SUGCT: variants seen among roughly 807,000 people sequenced by gnomAD.
SUGCT encodes succinyl-CoA:glutarate-CoA transferase, also known as succinyl-CoA:glutarate CoA-transferase.
A neutral mutation model predicts 55.0 loss-of-function variants in SUGCT; 41 were observed. The observed-to-expected ratio is 0.74, with a 90% confidence interval of 0.58 to 0.97. The LOEUF is 0.97. Among genes scored for constraint, SUGCT ranks in the 50% least tolerant of loss-of-function variants. The pLI, the probability that SUGCT is intolerant of heterozygous loss-of-function variation, is 0.00. For synonymous variants in SUGCT, 187 were observed against 200.4 expected, an observed-to-expected ratio of 0.93 and a Z score of 0.56; for missense variants, 568 against 547.8, an observed-to-expected ratio of 1.04 and a Z score of -0.37.
intron 12 of SUGCT, chr7:40,684,240 T>A (rs1374765790): frequency 1.4e-6 from 2 of 1,408,886 alleles, no homozygotes; most frequent in Non-Finnish European, 1.9e-6. Context: ...ACATCCATAC[T>A]TATTCATTTA....
At chr7:40,871,552 G>A in the SUGCT span, among the ~76,000 whole-genome samples, 1 of 152,168 alleles carries the variant, frequency 6.6e-6, no homozygotes, top group South Asian at 2.1e-4. Context: ...CATTGATATT[G>A]TTTTAATCCA....
intron 6 of SUGCT, among the ~76,000 whole-genome samples, chr7:40,227,102 A>G (rs1039457408): frequency 7.9e-6 from 1 of 127,198 alleles, no homozygotes; most frequent in African/African-American, 3.0e-5. Context: ...GCTGGAGTGC[A>G]GTGGCGCTGT....
intron 11 of SUGCT, 48 bp from the exon 12 acceptor site, chr7:40,496,236 G>A: frequency 8.0e-7 from 1 of 1,242,846 alleles, no homozygotes; most frequent in Non-Finnish European, 1.2e-6. Context: ...AAGAGGCTGT[G>A]TTACATTCCT....
intron 1 of SUGCT, among the ~76,000 whole-genome samples, chr7:40,172,246 G>A (rs896850705): frequency 1.3e-5 from 2 of 152,156 alleles, no homozygotes; most frequent in Admixed American, 1.3e-4. Context: ...GGGAAGCTGG[G>A]TAGAAATTGG....
At chr7:40,312,912 C>T (rs931479795) in intron 8 of SUGCT, among the ~76,000 whole-genome samples, 1 of 152,150 alleles carries the variant, frequency 6.6e-6, no homozygotes, top group Non-Finnish European at 1.5e-5. Context: ...TTACCTGTCA[C>T]ACTTGGTTGT....
chr7:40,377,188 T>TA lies in SUGCT; in HGVS notation c.816+60333_816+60334insA, dbSNP rs1309622193. Among the ~76,000 whole-genome samples the TA allele has an allele frequency of 1.6e-4, 2 of 12,376 alleles. 1 individual carries two copies. The highest frequency in any genetic ancestry group is 1.9e-4 in the African/African-American group (2 of 10,336). 8.1% of individuals were successfully genotyped at this position (12,376 alleles called of 152,430 possible). Reference sequence around the variant, plus strand: ...TTTCTTTCTTTCTTTCTTTCTTTCTTTCTTTCTTTCTTTTCTTTTCTTTTC... The same window carrying TA: ...TTTCTTTCTTTCTTTCTTTCTTTCTTATCTTTCTTTCTTTTCTTTTCTTTTC... On this transcript the variant is annotated intron_variant, in intron 9 of 13. Coordinates refer to ENST00000335693, the MANE Select transcript of SUGCT (RefSeq NM_001193313.2).
rs556817306 is a variant in SUGCT, at chr7:40,223,097, G to A, written c.485-14538G>A. On this transcript the variant is annotated intron_variant, in intron 6 of 13. Transcript: ENST00000335693. ...TTTCTTTTTGAGGTAGTCTTTCTCC[G>A]TTGCACAGGCTGGAGTGCAGTGGCA... Among the ~76,000 whole-genome samples the A allele has an allele frequency of 8.2e-5, 12 of 147,166 alleles. No homozygotes were observed. The South Asian group carries it at 1.1e-3, about 13-fold the overall frequency.
intron 13 of SUGCT, among the ~76,000 whole-genome samples, chr7:40,854,460 C>CTT (rs963143246): frequency 7.2e-6 from 1 of 138,860 alleles, no homozygotes; most frequent in Non-Finnish European, 1.6e-5. Context: ...TTCTTTCTTT[C>CTT]TTTCTTTCTT....
At chr7:40,829,709 G>T (rs1420832459) in intron 13 of SUGCT, among the ~76,000 whole-genome samples, 3 of 152,048 alleles carry the variant, frequency 2.0e-5, no homozygotes, top group Non-Finnish European at 4.4e-5. Flanking sequence ...TGTCATGGTG[G>T]GTTCTCCTCC....
At chr7:40,982,675 G>T in the SUGCT span, among the ~76,000 whole-genome samples, 1 of 151,396 alleles carries the variant, frequency 6.6e-6, no homozygotes, top group Non-Finnish European at 1.5e-5. Context: ...TTATTTTTTA[G>T]ATAGAATCTG....
intron 9 of SUGCT, among the ~76,000 whole-genome samples, chr7:40,393,470 T>C (rs1011670721): frequency 6.6e-6 from 1 of 152,114 alleles, no homozygotes; most frequent in African/African-American, 2.4e-5. Context: ...AAATGTTGGA[T>C]TGGGACTTGA....
At chr7:40,571,854 A>G (rs1796468947) in intron 12 of SUGCT, among the ~76,000 whole-genome samples, 1 of 152,158 alleles carries the variant, frequency 6.6e-6, no homozygotes, top group Non-Finnish European at 1.5e-5. Flanking sequence ...GTCTCAGGAG[A>G]AAAGGGTTAG....
intron 6 of SUGCT, among the ~76,000 whole-genome samples, chr7:40,229,610 C>G (rs1241509317): frequency 6.6e-6 from 1 of 151,674 alleles, no homozygotes; most frequent in Non-Finnish European, 1.5e-5. Flanking sequence ...CAGGAGATAT[C>G]AAGACCATCC....
intron 1 of SUGCT, among the ~76,000 whole-genome samples, chr7:40,135,781 C>G (rs545610050): frequency 2.0e-5 from 3 of 151,372 alleles, no homozygotes; most frequent in Non-Finnish European, 2.9e-5. Flanking sequence ...TTCAGCCTTC[C>G]GAGTAGCTGG....
At chr7:40,411,860 G>T (rs4723961) in intron 9 of SUGCT, among the ~76,000 whole-genome samples, 4 of 151,952 alleles carry the variant, frequency 2.6e-5, no homozygotes, top group Non-Finnish European at 5.9e-5. Context: ...TTACATGAAC[G>T]TATCAAATTT....
At chr7:40,432,111 G>C (rs768713165) in intron 9 of SUGCT, among the ~76,000 whole-genome samples, 1 of 152,070 alleles carries the variant, frequency 6.6e-6, no homozygotes, top group Non-Finnish European at 1.5e-5. Flanking sequence ...TTGGATCTTA[G>C]TGTAAAACAT....
At chr7:40,465,037 A>G (rs1029019596) in intron 11 of SUGCT, among the ~76,000 whole-genome samples, 2 of 152,234 alleles carry the variant, frequency 1.3e-5, no homozygotes, top group African/African-American at 4.8e-5. Context: ...GTCCTAGTGA[A>G]GGCATTTGTA....
intron 6 of SUGCT, among the ~76,000 whole-genome samples, chr7:40,226,702 G>A (rs1399721143): frequency 6.6e-6 from 1 of 151,570 alleles, no homozygotes; most frequent in African/African-American, 2.4e-5. Context: ...AACCTATCTG[G>A]TCTTCAGTTT....
chr7:40,990,397 A>C, the SUGCT span, among the ~76,000 whole-genome samples: 3 of 152,238 alleles, frequency 2.0e-5, no homozygotes, highest in Non-Finnish European at 4.4e-5. Flanking sequence ...TAAAATATTC[A>C]GTAAACTATG....
Sources: allele counts gnomAD v4.1 joint callset (sites outside exome capture counted in the v4.1 genomes callset), GRCh38; gene constraint gnomAD v4.1.1; transcripts MANE v1.5; gene names NCBI Gene and HGNC (gene_info 2026-07-23, HGNC 2026-07-21).